The following PRIM2 variants were observed in gnomAD, a reference collection of about 807,000 sequenced individuals.
PRIM2 encodes the protein DNA primase large subunit.
Under a neutral mutation model 67.3 loss-of-function variants are expected in PRIM2, and 39 were observed. That is an observed-to-expected ratio of 0.58 (90% confidence interval 0.45 to 0.76). The LOEUF (loss-of-function observed/expected upper bound fraction) is 0.76, where lower values mean the gene tolerates loss of function less well. PRIM2 is among the 30% of genes least tolerant of loss of function. PRIM2 has a pLI of 0.00. For missense variants in PRIM2, 398 were observed against 598.7 expected, an observed-to-expected ratio of 0.66 and a Z score of 3.50; for synonymous variants, 143 against 198.7, an observed-to-expected ratio of 0.72 and a Z score of 2.36.
chr6:57,374,824 G>C (rs1284204199), intron 5 of PRIM2, among the ~76,000 whole-genome samples: 3 of 152,148 alleles, frequency 2.0e-5, no homozygotes, highest in Admixed American at 6.5e-5. Flanking sequence ...GACCTGAGGT[G>C]GTTCACCTGC....
At chr6:57,481,585 G>GT (rs1235373337) in intron 7 of PRIM2, among the ~76,000 whole-genome samples, 2,211 of 145,210 alleles carry the variant, frequency 0.015, 28 homozygotes, top group African/African-American at 0.043. Context: ...AGGTTTTTGG[G>GT]TTTTTTTTTT....
intron 6 of PRIM2, 78 bp downstream of exon 6, chr6:57,380,074 C>A: frequency 3.4e-6 from 4 of 1,182,692 alleles, no homozygotes; most frequent in South Asian, 2.9e-5. Flanking sequence ...TTAATTAATC[C>A]ATTTTTATAG....
chr6:57,314,331 G>A (rs1366013051), upstream of PRIM2, among the ~76,000 whole-genome samples: 1 of 152,070 alleles, frequency 6.6e-6, no homozygotes, highest in Non-Finnish European at 1.5e-5. Flanking sequence ...CCTGGCCAAC[G>A]TGGTGAAACC....
rs1285383491 is a variant in PRIM2 at position 57,516,159 on chromosome 6, T to C, written c.761+8705T>C. Among the ~76,000 whole-genome samples, 190 of 151,968 alleles carry C rather than the reference T, an allele frequency of 1.3e-3. 4 individuals carry two copies. In the East Asian group the frequency reaches 0.015, roughly 12 times the overall value. On this transcript the variant is annotated intron_variant, in intron 8 of 13. Transcript: ENST00000615550. Reference sequence around the variant, plus strand: ...AAAGTTTTCTGCTTTTAAAGGCCCGTGCGATTAGATCAGACTACAGGGATA... The same window carrying C: ...AAAGTTTTCTGCTTTTAAAGGCCCGCGCGATTAGATCAGACTACAGGGATA...
At position 57,422,158 on chromosome 6, in the gene PRIM2, C is replaced by CTTTTTTTTTTTTTTTTTTTT. The variant is rs575958629; in HGVS notation, c.693+40004_693+40005insTTTTTTTTTTTTTTTTTTTT. ...AAATTCAAAAGTATTTCTTTTCTTT[C>CTTTTTTTTTTTTTTTTTTTT]TTTTTTTTTTTTTTGAGATGGAGTC... On this transcript the variant is annotated intron_variant, in intron 7 of 13. Coordinates refer to ENST00000615550, the MANE Select transcript of PRIM2 (RefSeq NM_000947.5). Among the ~76,000 whole-genome samples, 431 of 103,204 alleles carry CTTTTTTTTTTTTTTTTTTTT rather than the reference C, an allele frequency of 4.2e-3. 47 individuals are homozygous for CTTTTTTTTTTTTTTTTTTTT. The highest frequency in any genetic ancestry group is 5.2e-3 in the African/African-American group (149 of 28,904). 67.7% of individuals were successfully genotyped at this position (103,204 alleles called of 152,430 possible). A position where few individuals can be genotyped will look rare whatever the true frequency, so the allele number is the denominator to read the frequency against.
At chr6:57,613,304 G>A (rs1357147805) in intron 12 of PRIM2, among the ~76,000 whole-genome samples, 2 of 152,268 alleles carry the variant, frequency 1.3e-5, no homozygotes. Context: ...CAAGCAGTGG[G>A]AAGAAATGTG....
chr6:57,379,814 A>G (rs1455476300), intron 5 of PRIM2, 87 bp from the exon 6 acceptor site: 4 of 1,186,162 alleles, frequency 3.4e-6, no homozygotes, highest in Non-Finnish European at 4.6e-6. Context: ...ATAAAAGTAA[A>G]CAGTATTCAT....
chr6:57,424,982 GA>G lies in PRIM2; in HGVS notation c.693+42816del, dbSNP rs1296147244. ...GTGTTCCCTTAAGTGTAGGATAGAG[GA>G]ATACCAAATGAATGAATAAATGAAT... On this transcript the variant is annotated intron_variant, in intron 7 of 13. Transcript: ENST00000615550. Among the ~76,000 whole-genome samples the G allele has an allele frequency of 9.9e-5, 15 of 152,090 alleles. 1 individual carries two copies. Among genetic ancestry groups the G allele is most frequent in the Admixed American group, 5.9e-4 (9 of 15,266 alleles).
intron 5 of PRIM2, among the ~76,000 whole-genome samples, chr6:57,366,614 C>T (rs1248316571): frequency 1.3e-5 from 2 of 152,120 alleles, no homozygotes; most frequent in Non-Finnish European, 2.9e-5. Context: ...TCCATTTGGA[C>T]AGTGGCAAGA....
At chr6:57,428,797 T>C (rs1362344276) in intron 7 of PRIM2, among the ~76,000 whole-genome samples, 1 of 152,182 alleles carries the variant, frequency 6.6e-6, no homozygotes, top group Non-Finnish European at 1.5e-5. Flanking sequence ...CAATTGTACC[T>C]CCCATTCAGC....
intron 13 of PRIM2, among the ~76,000 whole-genome samples, chr6:57,633,531 G>A (rs1777067882): frequency 6.6e-6 from 1 of 152,002 alleles, no homozygotes; most frequent in Non-Finnish European, 1.5e-5. Context: ...ATAGGAAAAA[G>A]ATATTTTATA....
chr6:57,412,305 CTATAA>C (rs1163043567), intron 7 of PRIM2, among the ~76,000 whole-genome samples: 3 of 151,930 alleles, frequency 2.0e-5, no homozygotes, highest in East Asian at 1.9e-4. Context: ...GAATATTTGT[CTATAA>C]TATAAGTATA....
At chr6:57,554,631 T>G (rs1234367181) in intron 10 of PRIM2, among the ~76,000 whole-genome samples, 1 of 152,196 alleles carries the variant, frequency 6.6e-6, no homozygotes, top group African/African-American at 2.4e-5. Context: ...CTTAAAGTTT[T>G]TATGTTCTCC....
At chr6:57,324,853 A>T (rs1317041080) in intron 4 of PRIM2, among the ~76,000 whole-genome samples, 1 of 152,014 alleles carries the variant, frequency 6.6e-6, no homozygotes, top group African/African-American at 2.4e-5. Context: ...ATCAAGTGAG[A>T]CTCTGGAATT....
chr6:57,347,873 T>C (rs1320710961), intron 5 of PRIM2, among the ~76,000 whole-genome samples: 1 of 152,340 alleles, frequency 6.6e-6, no homozygotes, highest in Admixed American at 6.5e-5. Flanking sequence ...TGTTACTAAA[T>C]ATATGAGTAG....
chr6:57,276,433 AC>A, the PRIM2 span, among the ~76,000 whole-genome samples: 1 of 128,252 alleles, frequency 7.8e-6, no homozygotes, highest in Non-Finnish European at 1.6e-5. Flanking sequence ...AAATTATAAA[AC>A]AATACCATTT....
intron 7 of PRIM2, among the ~76,000 whole-genome samples, chr6:57,418,304 C>T (rs1771337342): frequency 6.9e-6 from 1 of 144,510 alleles, no homozygotes; most frequent in African/African-American, 2.6e-5. Flanking sequence ...ATCCTAGAGC[C>T]GAATTAAAAA....
intron 7 of PRIM2, among the ~76,000 whole-genome samples, chr6:57,453,577 G>A (rs936644370): frequency 1.3e-5 from 2 of 152,010 alleles, no homozygotes; most frequent in Non-Finnish European, 2.9e-5. Context: ...TCATGATTTG[G>A]CTCTCTGTTT....
the PRIM2 span, among the ~76,000 whole-genome samples, chr6:57,239,206 G>T: frequency 3.5e-4 from 53 of 152,178 alleles, no homozygotes; most frequent in African/African-American, 1.3e-3. Flanking sequence ...GGCCAGACTG[G>T]TCTCGAACTC....
Sources: allele counts gnomAD v4.1 joint callset (sites outside exome capture counted in the v4.1 genomes callset), GRCh38; gene constraint gnomAD v4.1.1; transcripts MANE v1.5; gene names NCBI Gene and HGNC (gene_info 2026-07-23, HGNC 2026-07-21).